Variants in B3GALT1 observed in about 807,000 individuals in gnomAD.
B3GALT1 encodes the protein beta-1,3-galactosyltransferase 1.
A neutral mutation model predicts 23.2 loss-of-function variants in B3GALT1; 10 were observed. The observed-to-expected ratio is 0.43, with a 90% CI of 0.27 to 0.73. The LOEUF (loss-of-function observed/expected upper bound fraction) is 0.73, where lower values mean the gene tolerates loss of function less well. B3GALT1 is among the 30% of genes least tolerant of loss of function. B3GALT1 has a pLI of 0.21. For missense variants in B3GALT1, 299 were observed against 405.4 expected (o/e 0.74, Z 2.25); for synonymous variants, 156 against 141.5 (o/e 1.10, Z -0.73).
intron 1 of B3GALT1, among the ~76,000 whole-genome samples, chr2:167,407,137 AG>A (rs1383850825): frequency 6.6e-6 from 1 of 152,226 alleles, no homozygotes; most frequent in Non-Finnish European, 1.5e-5. Flanking sequence ...AATCATATCA[AG>A]CATCTTTTCT....
intron 2 of B3GALT1, among the ~76,000 whole-genome samples, chr2:167,567,710 C>G (rs949288678): frequency 1.3e-5 from 2 of 151,856 alleles, no homozygotes; most frequent in Non-Finnish European, 2.9e-5. Flanking sequence ...ACAATTGTTA[C>G]AACTGATGAA....
rs138465508 is a variant in B3GALT1 at position 167,642,046 on chromosome 2, A to G, written c.-409-4863A>G. On this transcript the variant is annotated intron_variant, in intron 2 of 4. Coordinates refer to ENST00000392690, the MANE Select transcript of B3GALT1 (RefSeq NM_020981.4). ...ATGAAATAGCACAATGATTGTTTCTAAGTTTCAAATCACTCAGTCCATCTC... is the reference window on the plus strand; with the variant it reads ...ATGAAATAGCACAATGATTGTTTCTGAGTTTCAAATCACTCAGTCCATCTC... 6.1e-3 allele frequency among the ~76,000 whole-genome samples: 931 copies of G among 152,248 alleles called. 6 individuals carry two copies. Among genetic ancestry groups the G allele is most frequent in the African/African-American group, 0.021 (884 of 41,536 alleles).
At chr2:167,820,952 C>G (rs754092278) in intron 4 of B3GALT1, among the ~76,000 whole-genome samples, 5 of 152,156 alleles carry the variant, frequency 3.3e-5, no homozygotes, top group Non-Finnish European at 7.3e-5. Flanking sequence ...GATTTGTTTA[C>G]ACAAATCAAA....
At chr2:167,698,016 T>G (rs1046573587) in intron 3 of B3GALT1, among the ~76,000 whole-genome samples, 23 of 152,256 alleles carry the variant, frequency 1.5e-4, no homozygotes, top group African/African-American at 5.5e-4. Context: ...GTATTTATTT[T>G]CTGAGTATTA....
chr2:167,417,536 A>G (rs182010643), intron 1 of B3GALT1, among the ~76,000 whole-genome samples: 16 of 152,344 alleles, frequency 1.1e-4, no homozygotes, highest in South Asian at 4.1e-4. Flanking sequence ...AAGACAGTGT[A>G]GTTATGTCAT....
intron 3 of B3GALT1, among the ~76,000 whole-genome samples, chr2:167,676,197 T>C (rs1686421807): frequency 1.3e-5 from 2 of 151,964 alleles, no homozygotes; most frequent in African/African-American, 4.8e-5. Context: ...TTCTCAACAC[T>C]CCCCTCTCTT....
chr2:167,646,102 C>T (rs893169662), intron 2 of B3GALT1, among the ~76,000 whole-genome samples: 14 of 152,116 alleles, frequency 9.2e-5, no homozygotes, highest in Admixed American at 5.9e-4. Context: ...TCTCTTTTGA[C>T]CCCTCTTTTT....
At chr2:167,656,911 A>G (rs981743878) in intron 3 of B3GALT1, among the ~76,000 whole-genome samples, 2 of 152,130 alleles carry the variant, frequency 1.3e-5, no homozygotes, top group South Asian at 2.1e-4. Context: ...CCGAGAACCT[A>G]TATTTGTTAT....
At chr2:167,378,860 T>C (rs1275774545) in intron 1 of B3GALT1, among the ~76,000 whole-genome samples, 1 of 152,200 alleles carries the variant, frequency 6.6e-6, no homozygotes, top group Non-Finnish European at 1.5e-5. Flanking sequence ...AGAGAGCTAG[T>C]GCGATCCCTT....
chr2:167,718,681 A>ACC (rs1687188238), intron 3 of B3GALT1, among the ~76,000 whole-genome samples: 1 of 152,198 alleles, frequency 6.6e-6, no homozygotes, highest in Non-Finnish European at 1.5e-5. Flanking sequence ...GTGTTTTTAT[A>ACC]AAGAGTTGCG....
Position 167,647,300 on chromosome 2 carries a change from C to T in B3GALT1, c.-352+334C>T, listed in dbSNP as rs1685764760. 2.0e-5 allele frequency among the ~76,000 whole-genome samples: 3 copies of T among 152,164 alleles called. No homozygotes were observed. The South Asian group carries it at 6.2e-4, about 32-fold the overall frequency. On this transcript the variant is annotated intron_variant, in intron 3 of 4. Coordinates refer to ENST00000392690, the MANE Select transcript of B3GALT1 (RefSeq NM_020981.4). ...TTTATACTTGACTTGGCTTATATTT[C>T]TTACAGCACCAAGCTGAGCATGAAC...
At chr2:167,446,255 C>T (rs1407384109) in intron 1 of B3GALT1, among the ~76,000 whole-genome samples, 1 of 152,178 alleles carries the variant, frequency 6.6e-6, no homozygotes. Context: ...TTGGGCTTCC[C>T]TTTGTGGGTA....
intron 2 of B3GALT1, among the ~76,000 whole-genome samples, chr2:167,595,930 A>G (rs1684766692): frequency 6.6e-6 from 1 of 152,178 alleles, no homozygotes; most frequent in African/African-American, 2.4e-5. Flanking sequence ...TTATCACTTT[A>G]TCTTCTTACC....
intron 2 of B3GALT1, among the ~76,000 whole-genome samples, chr2:167,517,316 G>A (rs116683593): frequency 0.015 from 2,279 of 151,776 alleles, 60 homozygotes; most frequent in African/African-American, 0.052. Context: ...CTCAGGTCAA[G>A]TACAAAACAA....
chr2:167,714,361 C>G (rs1687110381), intron 3 of B3GALT1: 5 of 1,501,242 alleles, frequency 3.3e-6, no homozygotes, highest in South Asian at 1.1e-5. Context: ...TATTGGTAAT[C>G]TGATGGTCCA....
chr2:167,563,808 A>T (rs1270322844), intron 2 of B3GALT1, among the ~76,000 whole-genome samples: 6 of 62,486 alleles, frequency 9.6e-5, no homozygotes, highest in Non-Finnish European at 1.4e-4. Context: ...CCCCGGAGGG[A>T]GCGGCTGGCC....
At chr2:167,723,093 T>G (rs1049010059) in intron 3 of B3GALT1, among the ~76,000 whole-genome samples, 1 of 152,238 alleles carries the variant, frequency 6.6e-6, no homozygotes, top group Admixed American at 6.5e-5. Context: ...GCAGTCACTA[T>G]TTTGGGTTGA....
chr2:167,494,221 T>G (rs953722452), intron 2 of B3GALT1, among the ~76,000 whole-genome samples: 1 of 152,068 alleles, frequency 6.6e-6, no homozygotes, highest in African/African-American at 2.4e-5. Flanking sequence ...AGTGTATAAT[T>G]TTAAAATAGA....
At chr2:167,295,376 T>C (rs1414292027) in intron 1 of B3GALT1, among the ~76,000 whole-genome samples, 2 of 152,194 alleles carry the variant, frequency 1.3e-5, no homozygotes, top group African/African-American at 4.8e-5. Context: ...TATTGCAATA[T>C]TTTAGTTATT....
Sources: gnomAD v4.1 joint callset for allele counts (sites outside exome capture counted in the v4.1 genomes callset) on GRCh38, gnomAD v4.1.1 for gene constraint, MANE v1.5 for transcripts, NCBI Gene and HGNC (gene_info 2026-07-23, HGNC 2026-07-21) for gene names.